Variants in TNFRSF18 observed in about 807,000 individuals in gnomAD.
The protein encoded by TNFRSF18 is tumor necrosis factor receptor superfamily member 18.
In TNFRSF18, 36 loss-of-function variants were observed where a neutral mutation model predicts 30.2. The observed-to-expected ratio is 1.19, with a 90% CI of 0.91 to 1.58. The LOEUF is 1.58. Ranked by LOEUF, TNFRSF18 falls within the 40% of genes most tolerant of loss-of-function variation. The probability of loss-of-function intolerance (pLI) is 0.00; values close to 1 mark genes in which losing one functional copy is unlikely to be tolerated. For missense variants in TNFRSF18, 369 were observed against 345.4 expected, an observed-to-expected ratio of 1.07 and a Z score of -0.54; for synonymous variants, 173 against 158.3, an observed-to-expected ratio of 1.09 and a Z score of -0.70.
Position 1,206,552 on chromosome 1 carries a change from A to G in TNFRSF18, c.20T>C (p.Met7Thr). ...GCCGCACAGGGCCCGAAACGCGCCCATCGCCCCGTGCTGTGCCATGCTCGG... is the reference window on the plus strand; with the variant it reads ...GCCGCACAGGGCCCGAAACGCGCCCGTCGCCCCGTGCTGTGCCATGCTCGG... The part of the protein sequence containing the change: MAQHGA[M>T]GAFRALCGLA... The change falls in exon 1 of 5, where the codon ATG (methionine) becomes ACG (threonine). Residue 7 changes from methionine to threonine, a missense_variant. Physicochemically the swap from Met to Thr is moderately conservative, Grantham distance 81. Coordinates refer to ENST00000379268, the MANE Select transcript of TNFRSF18 (RefSeq NM_004195.3). 2.0e-6 allele frequency: 3 copies of G among 1,517,590 alleles called. No individual in the cohort carries two copies. The highest frequency in any genetic ancestry group is 2.6e-6 in the Non-Finnish European group (3 of 1,136,406). 94.0% of individuals were successfully genotyped at this position (1,517,590 alleles called of 1,614,324 possible).
chr1:1,205,730 G>A (rs1648791248), intron 1 of TNFRSF18: 1 of 541,958 alleles, frequency 1.8e-6, no homozygotes, highest in Non-Finnish European at 3.3e-6. Flanking sequence ...CTGCCCAGGT[G>A]CTAACTCCAT....
chr1:1,204,500 TGGGGGGAGGGAG>T lies in TNFRSF18; in HGVS notation c.311-26_311-15del. ...AACTGAATTTCCCTGGTGTGGGGTG[TGGGGGGAGGGAG>T]GGAGGGAGGCTGGTGGAGTTGCTGG... On this transcript the variant is annotated splice_polypyrimidine_tract_variant and intron_variant, in intron 2 of 4. Coordinates refer to ENST00000379268, the MANE Select transcript of TNFRSF18 (RefSeq NM_004195.3). 5.6e-6 allele frequency: 2 copies of T among 354,658 alleles called. No homozygotes were observed. Among genetic ancestry groups the T allele is most frequent in the Non-Finnish European group, 1.1e-5 (2 of 181,144 alleles). 22.0% of individuals were successfully genotyped at this position (354,658 alleles called of 1,614,324 possible).
At chr1:1,206,176 G>A (rs11466679) in intron 1 of TNFRSF18, among the ~76,000 whole-genome samples, 2 of 152,098 alleles carry the variant, frequency 1.3e-5, no homozygotes, top group Non-Finnish European at 2.9e-5. Context: ...CCCTGCTCCC[G>A]GCCGGGGCCA....
chr1:1,204,394 C>G lies in TNFRSF18; in HGVS notation c.398+5G>C, dbSNP rs371405946. Reference sequence around the variant, plus strand: ...GGCCACCGGCAGGGCCCACCCAGGACTCACTCTGTCCAAGGTTTGCAGTGG... The same window carrying G: ...GGCCACCGGCAGGGCCCACCCAGGAGTCACTCTGTCCAAGGTTTGCAGTGG... On this transcript the variant is annotated splice_donor_5th_base_variant and intron_variant, in intron 3 of 4. Transcript: ENST00000379268. 5.0e-6 allele frequency: 8 copies of G among 1,612,472 alleles called. No individual in the cohort carries two copies. Among genetic ancestry groups the G allele is most frequent in the Non-Finnish European group, 6.8e-6 (8 of 1,179,778 alleles).
chr1:1,204,107 G>T lies in TNFRSF18; in HGVS notation c.528C>A (p.Cys176Ter), dbSNP rs192158423. 3.7e-6 allele frequency: 6 copies of T among 1,610,188 alleles called. No homozygotes were observed. The highest frequency in any genetic ancestry group is 4.2e-6 in the Non-Finnish European group (5 of 1,178,832). Reference sequence around the variant, plus strand: ...GCTGGGCCGAGGTCAGGAGGAGGACGCAGGCGGCCACGGCCAGGAGGACGA... The same window carrying T: ...GCTGGGCCGAGGTCAGGAGGAGGACTCAGGCGGCCACGGCCAGGAGGACGA... Reference protein sequence around the residue: ...LTVVLLAVAACVLLLTSAQLG... With the variant: ...LTVVLLAVAA The change falls in exon 4 of 5, where the codon TGC (cysteine) becomes TGA (stop). Residue 176 changes from cysteine (C) to a stop codon, truncating the protein, a stop_gained. Coordinates refer to ENST00000379268, the MANE Select transcript of TNFRSF18 (RefSeq NM_004195.3). LOFTEE classifies it high-confidence loss of function.
rs751867423 is a variant in TNFRSF18, at chr1:1,206,540, C to G, written c.32G>C (p.Arg11Pro). 8.5e-6 allele frequency: 13 copies of G among 1,522,866 alleles called. No homozygotes were observed. Among genetic ancestry groups the G allele is most frequent in the Admixed American group, 2.2e-5 (1 of 45,672 alleles). The allele number at this position is 1,522,866 out of a possible 1,614,324, so 94.3% of individuals were successfully genotyped here. A position where few individuals can be genotyped will look rare whatever the true frequency, so the allele number is the denominator to read the frequency against. ...CAGCAGCGCCAGGCCGCACAGGGCCCGAAACGCGCCCATCGCCCCGTGCTG... is the reference window on the plus strand; with the variant it reads ...CAGCAGCGCCAGGCCGCACAGGGCCGGAAACGCGCCCATCGCCCCGTGCTG... MAQHGAMGAF[R>P]ALCGLALLCA... The change falls in exon 1 of 5, where the codon CGG becomes CCG. Residue 11 changes from arginine (R) to proline (P), a missense_variant. Physicochemically the swap from Arg to Pro is moderately radical, Grantham distance 103 (BLOSUM62 -2). Coordinates refer to ENST00000379268, the MANE Select transcript of TNFRSF18 (RefSeq NM_004195.3).
Position 1,204,490 on chromosome 1 carries a change from G to C in TNFRSF18, c.311-4C>G, listed in dbSNP as rs1426391326. 1.9e-6 allele frequency: 3 copies of C among 1,569,300 alleles called. No homozygotes were observed. The African/African-American group carries it at 4.1e-5, about 21-fold the overall frequency. On this transcript the variant is annotated splice_region_variant and splice_polypyrimidine_tract_variant and intron_variant, in intron 2 of 4. Transcript: ENST00000379268. Reference sequence around the variant, plus strand: ...TGGAAGCCAAAACTGAATTTCCCTGGTGTGGGGTGTGGGGGGAGGGAGGGA... The same window carrying C: ...TGGAAGCCAAAACTGAATTTCCCTGCTGTGGGGTGTGGGGGGAGGGAGGGA...
At chr1:1,206,342 G>A in intron 1 of TNFRSF18, 43 bp downstream of exon 1, 4 of 1,534,838 alleles carry the variant, frequency 2.6e-6, no homozygotes, top group Non-Finnish European at 3.5e-6. Flanking sequence ...GCTTCCGCGG[G>A]ACGCCTTGGC....
intron 1 of TNFRSF18, among the ~76,000 whole-genome samples, chr1:1,206,087 C>T (rs1395623327): frequency 6.6e-6 from 1 of 152,208 alleles, no homozygotes; most frequent in African/African-American, 2.4e-5. Context: ...GGCTCACGAC[C>T]CGCCCAGCAG....
In TNFRSF18 at chr1:1,204,243, T is replaced by C. The variant is rs1244038543; in HGVS notation, c.399-7A>G. On this transcript the variant is annotated splice_polypyrimidine_tract_variant and splice_region_variant and intron_variant, in intron 3 of 4. Coordinates refer to ENST00000379268, the MANE Select transcript of TNFRSF18 (RefSeq NM_004195.3). ...AAACCCGAACTGGGTGCAGCTGGAA[T>C]ACATGGACGCGGCCTCCTATCAGCC... 6.2e-7 allele frequency: 1 copy of C among 1,608,634 alleles called. No homozygotes were observed. The highest frequency in any genetic ancestry group is 1.7e-5 in the Admixed American group (1 of 59,640).
intron 2 of TNFRSF18, among the ~76,000 whole-genome samples, chr1:1,204,924 T>C (rs970771141): frequency 1.3e-5 from 2 of 152,162 alleles, no homozygotes; most frequent in African/African-American, 4.8e-5. Flanking sequence ...CCAGCTCTCA[T>C]GTGCCCAGCC....
At position 1,203,867 on chromosome 1, in the gene TNFRSF18, G is replaced by C; in HGVS notation, c.703C>G (p.Arg235Gly). The change falls in exon 5 of 5, where the codon CGG becomes GGG. Residue 235 changes from arginine (R) to glycine (G), a missense_variant. Physicochemically the swap from Arg to Gly is moderately radical, Grantham distance 125 (BLOSUM62 -2). Transcript: ENST00000379268. ...RGERSAEEKG[R>G]LGDLWV Reference sequence around the variant, plus strand: ...GCTCACACCCACAGGTCTCCCAGCCGCCCCTTCTCCTCTGCCGATCGCTCG... The same window carrying C: ...GCTCACACCCACAGGTCTCCCAGCCCCCCCTTCTCCTCTGCCGATCGCTCG... The C allele has an allele frequency of 1.3e-6, 2 of 1,598,938 alleles. No individual in the cohort carries two copies. The highest frequency in any genetic ancestry group is 1.7e-6 in the Non-Finnish European group (2 of 1,176,822).
chr1:1,206,512 G>T lies in TNFRSF18; in HGVS notation c.60C>A (p.Cys20Ter), dbSNP rs144731122. Residue 20 changes from cysteine to a stop codon, truncating the protein, a stop_gained, in exon 1 of 5, where the codon TGC becomes TGA. Transcript: ENST00000379268. LOFTEE classifies it high-confidence loss of function. ...TGGGGCGCTGACCCAGGCTGAGCGCGCACAGCAGCGCCAGGCCGCACAGGG... is the reference window on the plus strand; with the variant it reads ...TGGGGCGCTGACCCAGGCTGAGCGCTCACAGCAGCGCCAGGCCGCACAGGG... ...FRALCGLALL[C>*]ALSLGQRPTG... The T allele has an allele frequency of 2.6e-6, 4 of 1,541,640 alleles. No homozygotes were observed. The highest frequency in any genetic ancestry group is 1.4e-5 in the African/African-American group (1 of 71,960).
At chr1:1,205,520 G>T in intron 1 of TNFRSF18, 28 bp from the exon 2 acceptor site, 1 of 1,603,628 alleles carries the variant, frequency 6.2e-7, no homozygotes, top group Non-Finnish European at 8.5e-7. Context: ...CAGCCCCCCA[G>T]CAGCTGGGCT....
Position 1,206,574 on chromosome 1 carries a change from T to C in TNFRSF18, c.-3A>G. On this transcript the variant is annotated 5_prime_UTR_variant, in exon 1 of 5. Transcript: ENST00000379268. ...CCCATCGCCCCGTGCTGTGCCATGC[T>C]CGGGTTTCAAGAGCCCACAGCCAGT... is the stretch of plus-strand genomic sequence containing the variant. 6.7e-7 allele frequency: 1 copy of C among 1,490,652 alleles called. No homozygotes were observed. The highest frequency in any genetic ancestry group is 8.9e-7 in the Non-Finnish European group (1 of 1,126,194). The allele number at this position is 1,490,652 out of a possible 1,614,324, so 92.3% of individuals were successfully genotyped here. A position where few individuals can be genotyped will look rare whatever the true frequency, so the allele number is the denominator to read the frequency against.
Position 1,203,828 on chromosome 1 carries a change from C to T in TNFRSF18, c.*16G>A, listed in dbSNP as rs763829047. The T allele has an allele frequency of 6.9e-6, 11 of 1,585,722 alleles. No individual in the cohort carries two copies. The highest frequency in any genetic ancestry group is 2.7e-5 in the African/African-American group (2 of 74,574). On this transcript the variant is annotated 3_prime_UTR_variant, in exon 5 of 5. Transcript: ENST00000379268. Reference sequence around the variant, plus strand: ...AGGGGCTGGCTGCGGTCGGTGGCCCCGGAGGACGGCCAGGCTCACACCCAC... The same window carrying T: ...AGGGGCTGGCTGCGGTCGGTGGCCCTGGAGGACGGCCAGGCTCACACCCAC...
In TNFRSF18 at chr1:1,205,479, ACAGCACT is replaced by A. The variant is rs1648774911; in HGVS notation, c.194_200del (p.Glu65ValfsTer100). ...GGACACACATGCAGTCCCACTCGGAACAGCACTCCTCGCCTGGGCAGGAGACAGGCCA... is the reference window on the plus strand; with the variant it reads ...GGACACACATGCAGTCCCACTCGGAACCTCGCCTGGGCAGGAGACAGGCCA... On this transcript the variant is annotated frameshift_variant, in exon 2 of 5. Transcript: ENST00000379268. LOFTEE classifies it high-confidence loss of function. 6.2e-7 allele frequency: 1 copy of A among 1,612,096 alleles called. No individual in the cohort carries two copies. The highest frequency in any genetic ancestry group is 1.1e-5 in the South Asian group (1 of 91,072).
rs1372757626 is a variant in TNFRSF18, at chr1:1,203,695, C to T, written c.*149G>A. 1.3e-6 allele frequency: 2 copies of T among 1,565,474 alleles called. No homozygotes were observed. Among genetic ancestry groups the T allele is most frequent in the Admixed American group, 1.8e-5 (1 of 56,436 alleles). On this transcript the variant is annotated 3_prime_UTR_variant, in exon 5 of 5. Coordinates refer to ENST00000379268, the MANE Select transcript of TNFRSF18 (RefSeq NM_004195.3). ...GCCGCGGCCGCCGAACTGCATGGTC[C>T]AGGGCGCTGGTCACTGCCACCTTCC...
At chr1:1,206,324 C>T (rs1648824698) in intron 1 of TNFRSF18, 61 bp downstream of exon 1, 1 of 1,520,362 alleles carries the variant, frequency 6.6e-7, no homozygotes, top group Non-Finnish European at 8.9e-7. Context: ...GGGCGCCCAC[C>T]CATCCCGGCT....
Sources: allele counts gnomAD v4.1 joint callset (sites outside exome capture counted in the v4.1 genomes callset), GRCh38; gene constraint gnomAD v4.1.1; transcripts MANE v1.5; gene names NCBI Gene and HGNC (gene_info 2026-07-23, HGNC 2026-07-21).